Variants in TENT4A observed in about 807,000 individuals in gnomAD.
The protein encoded by TENT4A is terminal nucleotidyltransferase 4A, also known as DNA polymerase kappa.
In TENT4A, 7 loss-of-function variants were observed where a neutral mutation model predicts 72.8. That is an observed-to-expected ratio of 0.10 (90% CI 0.05 to 0.18). The LOEUF (loss-of-function observed/expected upper bound fraction) is 0.18, where lower values mean the gene tolerates loss of function less well. Ranked by LOEUF, TENT4A falls within the 10% of genes least tolerant of loss-of-function variation. The pLI is 1.00. For synonymous variants in TENT4A, 456 were observed against 434.3 expected, an observed-to-expected ratio of 1.05 and a Z score of -0.62; for missense variants, 831 against 1,017.7, an observed-to-expected ratio of 0.82 and a Z score of 2.50.
chr5:6,716,461 C>T (rs557446109), intron 1 of TENT4A, among the ~76,000 whole-genome samples: 35 of 152,322 alleles, frequency 2.3e-4, no homozygotes, highest in Middle Eastern at 3.4e-3. Flanking sequence ...CCTCATCCTC[C>T]CTCATGCAGG....
chr5:6,728,683 G>GC (rs1741062670), intron 1 of TENT4A, among the ~76,000 whole-genome samples: 1 of 152,246 alleles, frequency 6.6e-6, no homozygotes, highest in Admixed American at 6.5e-5. Context: ...CCCAGAGGGA[G>GC]CCCCTGCTGG....
At position 6,737,504 on chromosome 5, in the gene TENT4A, C is replaced by T; in HGVS notation, c.717-6C>T. The T allele has an allele frequency of 6.2e-7, 1 of 1,605,492 alleles. No homozygotes were observed. Among genetic ancestry groups the T allele is most frequent in the Admixed American group, 1.7e-5 (1 of 58,700 alleles). On this transcript the variant is annotated splice_region_variant and splice_polypyrimidine_tract_variant and intron_variant, in intron 1 of 12. Transcript: ENST00000230859. ...ACTCTAGTATGTTTTCTTTTTTGTC[C>T]ATTAGACTACATGAGGAAATAATTG...
intron 1 of TENT4A, among the ~76,000 whole-genome samples, chr5:6,715,380 G>A (rs1740317496): frequency 1.3e-5 from 2 of 152,302 alleles, no homozygotes; most frequent in East Asian, 3.9e-4. Flanking sequence ...TAAATTTAGT[G>A]CACTTACAGA....
chr5:6,741,089 G>A (rs758283426), intron 4 of TENT4A, among the ~76,000 whole-genome samples: 10 of 152,204 alleles, frequency 6.6e-5, no homozygotes, highest in East Asian at 1.9e-4. Context: ...ACTAAGGCGC[G>A]GCTGTCCTGA....
chr5:6,720,019 A>G (rs1416842854), intron 1 of TENT4A, among the ~76,000 whole-genome samples: 1 of 152,204 alleles, frequency 6.6e-6, no homozygotes, highest in African/African-American at 2.4e-5. Context: ...AGTTCCTTGC[A>G]GGATGGAAGT....
chr5:6,749,796 T>C (rs2126654694), intron 9 of TENT4A, 139 bp downstream of exon 9: 2 of 645,168 alleles, frequency 3.1e-6, no homozygotes, highest in Non-Finnish European at 5.6e-6. Context: ...AAGAAGACAA[T>C]AAGATCTAGA....
At position 6,714,334 on chromosome 5, in the gene TENT4A, C is replaced by T; in HGVS notation, c.351C>T (p.Ser117=). Residue 117 remains serine (S), a synonymous_variant, in exon 1 of 13, where the codon TCC becomes TCT. Transcript: ENST00000230859. The stretch of plus-strand genomic sequence containing the variant: ...CGTCCTCGTCGTCGTCCTCCTCGTC[C>T]AACGCGGAGTCGGGCACCGAGAGCC... ...SLSSSSSSSS[S]NAESGTESPG... 8.9e-7 allele frequency: 1 copy of T among 1,128,388 alleles called. No homozygotes were observed. The highest frequency in any genetic ancestry group is 1.1e-6 in the Non-Finnish European group (1 of 922,178). 69.9% of individuals were successfully genotyped at this position (1,128,388 alleles called of 1,614,324 possible).
rs1579490721 is a variant in TENT4A at position 6,746,052 on chromosome 5, A to G, written c.1246-162A>G. ...TGTTCCTTTTGAACACTCCTCGTTG[A>G]AGAGGCTGCTGTTCAGGCTTCCTCG... On this transcript the variant is annotated intron_variant, in intron 6 of 12. Coordinates refer to ENST00000230859, the MANE Select transcript of TENT4A (RefSeq NM_006999.6). 3 of 1,483,232 alleles carry G rather than the reference A, an allele frequency of 2.0e-6. No homozygotes were observed. The East Asian group carries it at 7.5e-5, about 37-fold the overall frequency. 91.9% of individuals were successfully genotyped at this position (1,483,232 alleles called of 1,614,324 possible). A position where few individuals can be genotyped will look rare whatever the true frequency, so the allele number is the denominator to read the frequency against.
chr5:6,742,517 G>C lies in TENT4A; in HGVS notation c.1036G>C (p.Glu346Gln). ...ACCAATAATAAAGCTCACAGATCAG[G>C]AGACTGAAGTGAAAGTTGACATCAG... ...TVPIIKLTDQ[E>Q]TEVKVDISFN... Residue 346 changes from glutamate to glutamine, a missense_variant, in exon 5 of 13, where the codon GAG becomes CAG. Physicochemically the swap from Glu to Gln is conservative, Grantham distance 29 (BLOSUM62 2). Transcript: ENST00000230859. The C allele has an allele frequency of 6.2e-7, 1 of 1,612,656 alleles. No homozygotes were observed. The highest frequency in any genetic ancestry group is 8.5e-7 in the Non-Finnish European group (1 of 1,178,634).
At position 6,714,236 on chromosome 5, in the gene TENT4A, C is replaced by G. The variant is rs966767181; in HGVS notation, c.253C>G (p.Pro85Ala). ...PPGPTAPAAL[P>A]PALLTALGPA... ...CGGCCCCACCGCGCCCGCCGCGCTG[C>G]CCCCCGCGCTGCTGACGGCGCTGGG... Residue 85 changes from proline to alanine, a missense_variant, in exon 1 of 13, where the codon CCC becomes GCC. Pro to Ala is a conservative substitution (Grantham distance 27, BLOSUM62 -1). Transcript: ENST00000230859. 1.7e-5 allele frequency: 17 copies of G among 1,008,124 alleles called. No homozygotes were observed. Among genetic ancestry groups the G allele is most frequent in the Non-Finnish European group, 1.9e-5 (16 of 846,840 alleles). The allele number at this position is 1,008,124 out of a possible 1,614,324, so 62.4% of individuals were successfully genotyped here. A position where few individuals can be genotyped will look rare whatever the true frequency, so the allele number is the denominator to read the frequency against.
At chr5:6,753,719 C>T (rs755652240) in intron 12 of TENT4A, among the ~76,000 whole-genome samples, 3 of 152,216 alleles carry the variant, frequency 2.0e-5, no homozygotes, top group Admixed American at 6.5e-5. Context: ...CTCTTTATTC[C>T]GCTCCTCCTT....
At chr5:6,729,028 T>C (rs567850040) in intron 1 of TENT4A, among the ~76,000 whole-genome samples, 21 of 152,258 alleles carry the variant, frequency 1.4e-4, no homozygotes, top group African/African-American at 5.1e-4. Flanking sequence ...TAAACAACTT[T>C]AAAATATTGT....
intron 1 of TENT4A, among the ~76,000 whole-genome samples, chr5:6,732,320 A>G (rs1313634498): frequency 1.3e-5 from 2 of 152,232 alleles, no homozygotes; most frequent in Non-Finnish European, 2.9e-5. Context: ...CTCAGCTTCT[A>G]AAGCTGAAAA....
chr5:6,730,755 TAAAAA>T (rs5865676), intron 1 of TENT4A, among the ~76,000 whole-genome samples: 3 of 130,050 alleles, frequency 2.3e-5, no homozygotes, highest in Admixed American at 7.8e-5. Flanking sequence ...AGCCTTAATT[TAAAAA>T]AAAAAAAAAA....
chr5:6,718,550 C>A (rs771890195), intron 1 of TENT4A, among the ~76,000 whole-genome samples: 11 of 152,236 alleles, frequency 7.2e-5, no homozygotes, highest in Admixed American at 1.3e-4. Context: ...CTGAGTTTCA[C>A]TCTCCGAGTC....
intron 1 of TENT4A, among the ~76,000 whole-genome samples, chr5:6,730,127 T>TGGCATTTGC (rs752030822): frequency 1.5e-4 from 23 of 152,040 alleles, no homozygotes; most frequent in Non-Finnish European, 1.9e-4. Flanking sequence ...GGACCTTGCA[T>TGGCATTTGC]GGCATTTGCA....
chr5:6,751,000 G>C, intron 10 of TENT4A, 39 bp from the exon 11 acceptor site: 1 of 1,606,388 alleles, frequency 6.2e-7, no homozygotes. Flanking sequence ...GCACCTTTGT[G>C]GTACAGCTGT....
At chr5:6,720,613 T>G (rs1040162998) in intron 1 of TENT4A, among the ~76,000 whole-genome samples, 1 of 151,520 alleles carries the variant, frequency 6.6e-6, no homozygotes, top group African/African-American at 2.4e-5. Context: ...GAGTTGGAGG[T>G]TGCAGTGAGC....
chr5:6,723,443 C>T (rs1378763183), intron 1 of TENT4A, among the ~76,000 whole-genome samples: 1 of 137,300 alleles, frequency 7.3e-6, no homozygotes, highest in African/African-American at 3.0e-5. Flanking sequence ...CGAGTTTGCT[C>T]CTTTAGTTCC....
Sources: allele counts gnomAD v4.1 joint callset (sites outside exome capture counted in the v4.1 genomes callset), GRCh38; gene constraint gnomAD v4.1.1; transcripts MANE v1.5; gene names NCBI Gene and HGNC (gene_info 2026-07-23, HGNC 2026-07-21).